The following DIP2B variants were observed in gnomAD, a reference collection of about 807,000 sequenced individuals.
DIP2B encodes the protein DIP2 acetate--CoA ligase B (putative).
A neutral mutation model predicts 198.0 loss-of-function variants in DIP2B; 76 were observed. The ratio of observed to expected loss-of-function variants is 0.38; its 90% CI spans 0.32 to 0.46. The LOEUF (loss-of-function observed/expected upper bound fraction) is 0.46. Among genes scored for constraint, DIP2B ranks in the 20% least tolerant of loss-of-function variants. The pLI, the probability that DIP2B is intolerant of heterozygous loss-of-function variation, is 0.99. For synonymous variants in DIP2B, 701 were observed against 739.1 expected (o/e 0.95, Z 0.84); for missense variants, 1,559 against 1,978.4 (o/e 0.79, Z 4.02).
In DIP2B at chr12:50,540,053, G is replaced by GTTTTTTTTTTTTTTTT. The variant is rs60978324; in HGVS notation, c.100+34827_100+34842dup. 1.1e-3 allele frequency among the ~76,000 whole-genome samples: 50 copies of GTTTTTTTTTTTTTTTT among 44,162 alleles called. 1 individual carries two copies. The highest frequency in any genetic ancestry group is 1.6e-3 in the Admixed American group (5 of 3,150). The allele number at this position is 44,162 out of a possible 152,430, so 29.0% of individuals were successfully genotyped here. ...TGGCAGGTAGTTTAGTTGTTTCTGT[G>GTTTTTTTTTTTTTTTT]TTTTTTTTTTTTTTTTTTTTTTTTT... is the stretch of plus-strand genomic sequence containing the variant. On this transcript the variant is annotated intron_variant, in intron 1 of 37. Coordinates refer to ENST00000301180, the MANE Select transcript of DIP2B (RefSeq NM_173602.3).
chr12:50,539,247 T>C (rs1475092349), intron 1 of DIP2B, among the ~76,000 whole-genome samples: 1 of 151,526 alleles, frequency 6.6e-6, no homozygotes, highest in African/African-American at 2.4e-5. Flanking sequence ...TTTTTTTTTT[T>C]TTTGACAGAG....
chr12:50,522,990 A>G (rs1175363498), intron 1 of DIP2B, among the ~76,000 whole-genome samples: 1 of 152,228 alleles, frequency 6.6e-6, no homozygotes, highest in Non-Finnish European at 1.5e-5. Flanking sequence ...TATTTCCTGG[A>G]ATATATTTGG....
In DIP2B at chr12:50,691,109, T is replaced by C; in HGVS notation, c.1612T>C (p.Ser538Pro). 6.2e-7 allele frequency: 1 copy of C among 1,614,140 alleles called. No individual in the cohort carries two copies. The highest frequency in any genetic ancestry group is 8.5e-7 in the Non-Finnish European group (1 of 1,180,018). ...TACAGTATCCCGGCTTGCAATGTTG[T>C]CTCACTGCCAAGCTCTGTCGCAGGC... ...GVTVSRLAML[S>P]HCQALSQACN... The change falls in exon 13 of 38, where the codon TCT becomes CCT. Residue 538 changes from serine to proline, a missense_variant. Physicochemically the swap from Ser to Pro is moderately conservative, Grantham distance 74 (BLOSUM62 -1). Transcript: ENST00000301180.
intron 1 of DIP2B, among the ~76,000 whole-genome samples, chr12:50,547,940 A>G (rs1408805073): frequency 6.6e-6 from 1 of 152,080 alleles, no homozygotes; most frequent in Non-Finnish European, 1.5e-5. Context: ...ATGGTTGTGC[A>G]TGCCTGTAGT....
At chr12:50,609,986 A>G (rs1461717893) in intron 1 of DIP2B, among the ~76,000 whole-genome samples, 1 of 152,230 alleles carries the variant, frequency 6.6e-6, no homozygotes, top group Non-Finnish European at 1.5e-5. Context: ...CAAATTCACA[A>G]TGCCAAAGTA....
chr12:50,644,439 G>A (rs564596791), intron 3 of DIP2B, among the ~76,000 whole-genome samples: 21 of 152,256 alleles, frequency 1.4e-4, no homozygotes, highest in African/African-American at 5.1e-4. Context: ...ACCTTATTCA[G>A]CTCAAACATG....
At chr12:50,617,901 G>A (rs1301684201) in intron 1 of DIP2B, among the ~76,000 whole-genome samples, 2 of 152,188 alleles carry the variant, frequency 1.3e-5, no homozygotes, top group African/African-American at 4.8e-5. Context: ...AAAGTCATCT[G>A]TATTTTGAAG....
intron 1 of DIP2B, among the ~76,000 whole-genome samples, chr12:50,551,885 A>G (rs915869667): frequency 2.0e-5 from 3 of 152,250 alleles, no homozygotes; most frequent in Non-Finnish European, 4.4e-5. Flanking sequence ...GGGTATGCAG[A>G]TATTTCCTCA....
At chr12:50,582,153 T>G (rs1320506450) in intron 1 of DIP2B, among the ~76,000 whole-genome samples, 7 of 145,016 alleles carry the variant, frequency 4.8e-5, no homozygotes, top group Non-Finnish European at 9.1e-5. Context: ...CTGTTTTTTT[T>G]TTTTTTTTTT....
At chr12:50,631,613 A>G (rs1007362124) in intron 2 of DIP2B, among the ~76,000 whole-genome samples, 1 of 152,016 alleles carries the variant, frequency 6.6e-6, no homozygotes, top group East Asian at 1.9e-4. Flanking sequence ...TCGTATTTTT[A>G]GTAGAGACAG....
chr12:50,545,918 A>G (rs1157701370), intron 1 of DIP2B, among the ~76,000 whole-genome samples: 1 of 152,170 alleles, frequency 6.6e-6, no homozygotes, highest in Non-Finnish European at 1.5e-5. Flanking sequence ...TATAGCTGTG[A>G]GTCACTGTGC....
intron 37 of DIP2B, 37 bp from the exon 38 acceptor site, chr12:50,744,550 G>A (rs1592152211): frequency 1.9e-6 from 3 of 1,607,574 alleles, no homozygotes; most frequent in South Asian, 2.2e-5. Flanking sequence ...ACTGAAAAAT[G>A]TAGTGACAAG....
chr12:50,613,213 TG>T (rs1435194845), intron 1 of DIP2B, among the ~76,000 whole-genome samples: 1 of 152,230 alleles, frequency 6.6e-6, no homozygotes, highest in Admixed American at 6.5e-5. Flanking sequence ...TTAATTTCCC[TG>T]TGTCTCACTT....
chr12:50,742,396 A>AAAAAAAAAAAC (rs1940263107), intron 37 of DIP2B, among the ~76,000 whole-genome samples: 1 of 56,828 alleles, frequency 1.8e-5, no homozygotes, highest in Non-Finnish European at 5.9e-5. Context: ...GACTGTCTCA[A>AAAAAAAAAAAC]AAAAAAAAAA....
intron 2 of DIP2B, among the ~76,000 whole-genome samples, chr12:50,628,228 G>A (rs767297059): frequency 1.1e-4 from 17 of 152,026 alleles, no homozygotes; most frequent in African/African-American, 4.1e-4. Context: ...AGAATTAGCC[G>A]GGCGTGGTGC....
At chr12:50,662,145 A>G (rs1353802671) in intron 4 of DIP2B, among the ~76,000 whole-genome samples, 1 of 152,218 alleles carries the variant, frequency 6.6e-6, no homozygotes, top group Non-Finnish European at 1.5e-5. Context: ...TGTTTTATAC[A>G]TAATAATTTC....
chr12:50,726,706 A>T (rs1295148311), intron 28 of DIP2B, among the ~76,000 whole-genome samples: 2 of 147,472 alleles, frequency 1.4e-5, no homozygotes, highest in African/African-American at 5.0e-5. Context: ...TTGATATGTT[A>T]CCCAGGTTGG....
At chr12:50,594,847 T>C (rs1958864859) in intron 1 of DIP2B, among the ~76,000 whole-genome samples, 1 of 152,232 alleles carries the variant, frequency 6.6e-6, no homozygotes, top group African/African-American at 2.4e-5. Flanking sequence ...GTTTTGCTGT[T>C]TTTATTTCAC....
chr12:50,579,315 A>T (rs981736451), intron 1 of DIP2B, among the ~76,000 whole-genome samples: 1 of 152,020 alleles, frequency 6.6e-6, no homozygotes, highest in Non-Finnish European at 1.5e-5. Context: ...TAAAAATTTT[A>T]GAAAACCTGA....
Sources: gnomAD v4.1 joint callset for allele counts (sites outside exome capture counted in the v4.1 genomes callset) on GRCh38, gnomAD v4.1.1 for gene constraint, MANE v1.5 for transcripts, NCBI Gene and HGNC (gene_info 2026-07-23, HGNC 2026-07-21) for gene names.